The following LOC400499 variants were observed in gnomAD, a reference collection of about 807,000 sequenced individuals.
chr16:11,440,912 G>C, the LOC400499 span: 6 of 399,112 alleles, frequency 1.5e-5, no homozygotes, highest in Non-Finnish European at 2.7e-5. Context: ...GCACAAACCA[G>C]TGTCTGCCCA....
At chr16:11,457,087 CT>C in the LOC400499 span, 11 of 1,471,144 alleles carry the variant, frequency 7.5e-6, no homozygotes, top group African/African-American at 2.8e-5. Flanking sequence ...CATGCCACCC[CT>C]GGCGTAGAAT....
chr16:11,461,126 G>A, the LOC400499 span: 2 of 1,530,974 alleles, frequency 1.3e-6, no homozygotes, highest in African/African-American at 1.4e-5. Flanking sequence ...AGTGCTGCAG[G>A]GACAGAGAGC....
chr16:11,464,407 C>T, the LOC400499 span, among the ~76,000 whole-genome samples: 2 of 152,230 alleles, frequency 1.3e-5, no homozygotes, highest in Non-Finnish European at 2.9e-5. Flanking sequence ...TCACCCAAAC[C>T]GGAACACTTT....
At chr16:11,397,901 G>C in the LOC400499 span, among the ~76,000 whole-genome samples, 3 of 152,054 alleles carry the variant, frequency 2.0e-5, no homozygotes, top group Non-Finnish European at 4.4e-5. Context: ...ATGGATGGAA[G>C]ATAGGAAGGA....
the LOC400499 span, among the ~76,000 whole-genome samples, chr16:11,457,417 C>T: frequency 6.6e-6 from 1 of 151,770 alleles, no homozygotes; most frequent in African/African-American, 2.4e-5. Flanking sequence ...CACGGTGAAA[C>T]CCCGTCTTTA....
chr16:11,461,224 T>A, the LOC400499 span: 1 of 1,386,634 alleles, frequency 7.2e-7, no homozygotes, highest in Non-Finnish European at 9.5e-7. Flanking sequence ...GGCCTTGGGG[T>A]TGGGGGCTCC....
the LOC400499 span, among the ~76,000 whole-genome samples, chr16:11,380,179 T>C: frequency 3.9e-5 from 6 of 152,074 alleles, no homozygotes; most frequent in African/African-American, 1.4e-4. Flanking sequence ...ATAAAATAAT[T>C]ACAGAGATGA....
chr16:11,411,391 G>A, the LOC400499 span: 1 of 399,080 alleles, frequency 2.5e-6, no homozygotes, highest in Non-Finnish European at 4.4e-6. Context: ...TGCCCCCAGG[G>A]CCATGTCGAG....
chr16:11,422,142 T>G, the LOC400499 span, among the ~76,000 whole-genome samples: 2 of 152,234 alleles, frequency 1.3e-5, no homozygotes, highest in African/African-American at 4.8e-5. Context: ...GGCCCATGCC[T>G]GTAATCCCAG....
chr16:11,437,951 G>A, the LOC400499 span, among the ~76,000 whole-genome samples: 10 of 152,250 alleles, frequency 6.6e-5, no homozygotes, highest in African/African-American at 2.4e-4. Context: ...CCCACTCCCC[G>A]ATGAGTTCGG....
At chr16:11,399,125 A>G in the LOC400499 span, 1 of 724,978 alleles carries the variant, frequency 1.4e-6, no homozygotes, top group South Asian at 6.1e-5. Flanking sequence ...CTATCAGGTA[A>G]TGATGCTGGA....
chr16:11,416,978 T>A, the LOC400499 span, among the ~76,000 whole-genome samples: 1 of 152,132 alleles, frequency 6.6e-6, no homozygotes, highest in African/African-American at 2.4e-5. Flanking sequence ...TGTACTGTAT[T>A]GTGCTCTCGT....
the LOC400499 span, among the ~76,000 whole-genome samples, chr16:11,474,904 T>C: frequency 3.3e-5 from 5 of 152,140 alleles, no homozygotes; most frequent in Admixed American, 6.5e-5. Context: ...CCCAATTCGC[T>C]ATGCCAAAAG....
chr16:11,437,693 T>C, the LOC400499 span, among the ~76,000 whole-genome samples: 3 of 152,066 alleles, frequency 2.0e-5, no homozygotes, highest in Admixed American at 1.3e-4. Flanking sequence ...CGTAGTGAAA[T>C]CCCATCTCTA....
the LOC400499 span, among the ~76,000 whole-genome samples, chr16:11,505,435 TTTTTC>T: frequency 0.011 from 1,544 of 145,078 alleles, 23 homozygotes; most frequent in Non-Finnish European, 0.018. Context: ...ATTTTTTTAA[TTTTTC>T]TTTTCTTTTT....
the LOC400499 span, among the ~76,000 whole-genome samples, chr16:11,458,500 T>A: frequency 6.8e-6 from 1 of 146,346 alleles, no homozygotes; most frequent in Non-Finnish European, 1.5e-5. Context: ...AGCGAAACTC[T>A]GTCTCAAAAA....
chr16:11,419,189 C>A, the LOC400499 span, among the ~76,000 whole-genome samples: 27 of 130,350 alleles, frequency 2.1e-4, no homozygotes, highest in South Asian at 4.7e-4. Flanking sequence ...ACAACAACAA[C>A]AAAAAAAATA....
At chr16:11,399,216 C>G in the LOC400499 span, 2 of 985,402 alleles carry the variant, frequency 2.0e-6, no homozygotes, top group Non-Finnish European at 2.4e-6. Context: ...TAGCATCCCA[C>G]CTTCTTCCCC....
the LOC400499 span, among the ~76,000 whole-genome samples, chr16:11,384,554 G>A: frequency 7.2e-5 from 11 of 152,114 alleles, no homozygotes; most frequent in Admixed American, 1.3e-4. Flanking sequence ...TGTATCCCCC[G>A]TCCCCTCCCC....
Sources: gnomAD v4.1 joint callset for allele counts (sites outside exome capture counted in the v4.1 genomes callset) on GRCh38, gnomAD v4.1.1 for gene constraint, MANE v1.5 for transcripts.